The following SGCZ variants were observed in gnomAD, a reference collection of about 807,000 sequenced individuals.
SGCZ encodes the protein zeta-sarcoglycan.
Under a neutral mutation model 41.3 loss-of-function variants are expected in SGCZ, and 40 were observed. The observed-to-expected ratio is 0.97, with a 90% confidence interval of 0.75 to 1.26. SGCZ has a LOEUF of 1.26. Ranked by LOEUF, SGCZ falls within the 50% of genes most tolerant of loss-of-function variation. The pLI, the probability that SGCZ is intolerant of heterozygous loss-of-function variation, is 0.00. For synonymous variants in SGCZ, 206 were observed against 137.5 expected (o/e 1.50, Z -3.49); for missense variants, 552 against 369.8 (o/e 1.49, Z -4.04).
At chr8:14,991,436 G>A (rs542387063) in intron 1 of SGCZ, among the ~76,000 whole-genome samples, 2 of 152,218 alleles carry the variant, frequency 1.3e-5, no homozygotes, top group South Asian at 2.1e-4. Flanking sequence ...AGTTTGAGAT[G>A]CCCAGGATAA....
intron 1 of SGCZ, among the ~76,000 whole-genome samples, chr8:15,210,673 C>A (rs1801207288): frequency 6.6e-6 from 1 of 152,094 alleles, no homozygotes; most frequent in East Asian, 1.9e-4. Flanking sequence ...TCCAATACTC[C>A]CTCATGATCT....
intron 5 of SGCZ, among the ~76,000 whole-genome samples, chr8:14,157,505 T>C (rs965720535): frequency 4.6e-5 from 7 of 151,076 alleles, no homozygotes; most frequent in Non-Finnish European, 8.8e-5. Flanking sequence ...TGTTTGGTAT[T>C]TGATAATACT....
chr8:14,503,944 A>T (rs1802230389), intron 2 of SGCZ, among the ~76,000 whole-genome samples: 1 of 152,186 alleles, frequency 6.6e-6, no homozygotes, highest in Admixed American at 6.5e-5. Flanking sequence ...ATGAAATGAA[A>T]ATGTAAGTTT....
rs374118075 is a variant in SGCZ at position 14,126,173 on chromosome 8, C to A, written c.548-17938G>T. ...GAGCTTCTGCACAGCCAAAAGAAACCATCATCAGAGTGAACAGGCAACCTA... is the reference window on the plus strand; with the variant it reads ...GAGCTTCTGCACAGCCAAAAGAAACAATCATCAGAGTGAACAGGCAACCTA... On this transcript the variant is annotated intron_variant, in intron 5 of 7. Coordinates refer to ENST00000382080, the MANE Select transcript of SGCZ (RefSeq NM_139167.4). Among the ~76,000 whole-genome samples, 10 of 152,138 alleles carry A rather than the reference C, an allele frequency of 6.6e-5. No homozygotes were observed. The East Asian group carries it at 1.9e-3, about 29-fold the overall frequency.
chr8:15,211,748 C>A (rs193175356), intron 1 of SGCZ, among the ~76,000 whole-genome samples: 2 of 152,270 alleles, frequency 1.3e-5, no homozygotes, highest in Admixed American at 1.3e-4. Flanking sequence ...TTCAACCTCT[C>A]CCCTTCTAAT....
chr8:14,567,806 C>T (rs575739605), intron 1 of SGCZ, among the ~76,000 whole-genome samples: 2 of 152,028 alleles, frequency 1.3e-5, no homozygotes, highest in South Asian at 2.1e-4. Context: ...CACCTCCAGA[C>T]GCACCACCTT....
intron 5 of SGCZ, among the ~76,000 whole-genome samples, chr8:14,122,697 G>C (rs1042691655): frequency 2.0e-5 from 3 of 152,106 alleles, no homozygotes; most frequent in Non-Finnish European, 2.9e-5. Flanking sequence ...GCTAATTCCA[G>C]TTAGCAGCCA....
chr8:14,125,548 C>T (rs1239162174), intron 5 of SGCZ, among the ~76,000 whole-genome samples: 1 of 150,926 alleles, frequency 6.6e-6, no homozygotes, highest in African/African-American at 2.4e-5. Flanking sequence ...AAAATGGCCA[C>T]ACTGCCCAAA....
intron 1 of SGCZ, among the ~76,000 whole-genome samples, chr8:14,583,367 G>A (rs1804956899): frequency 6.6e-6 from 1 of 152,080 alleles, no homozygotes; most frequent in Non-Finnish European, 1.5e-5. Context: ...TATTTTTCTT[G>A]TAAATTTGTT....
chr8:14,615,337 T>C (rs1806065094), intron 1 of SGCZ, among the ~76,000 whole-genome samples: 1 of 152,206 alleles, frequency 6.6e-6, no homozygotes, highest in Non-Finnish European at 1.5e-5. Flanking sequence ...ATAAGGGAGA[T>C]GCCCAGCTGT....
chr8:14,470,179 T>G (rs1801174603), intron 2 of SGCZ, among the ~76,000 whole-genome samples: 1 of 152,110 alleles, frequency 6.6e-6, no homozygotes, highest in Admixed American at 6.6e-5. Flanking sequence ...ACTTTATATG[T>G]GGGAAAAACT....
chr8:14,196,108 C>T (rs1805258985), intron 4 of SGCZ, among the ~76,000 whole-genome samples: 1 of 151,976 alleles, frequency 6.6e-6, no homozygotes, highest in Admixed American at 6.6e-5. Context: ...AATGGATGTA[C>T]ACCAGTCTAG....
intron 3 of SGCZ, among the ~76,000 whole-genome samples, chr8:14,298,724 T>C (rs563680352): frequency 6.6e-6 from 1 of 152,144 alleles, no homozygotes; most frequent in Non-Finnish European, 1.5e-5. Context: ...TGTCAATGTA[T>C]TGGATGACAA....
At chr8:14,313,658 G>A (rs1801617753) in intron 3 of SGCZ, among the ~76,000 whole-genome samples, 1 of 152,078 alleles carries the variant, frequency 6.6e-6, no homozygotes, top group Admixed American at 6.6e-5. Context: ...CTTAACACTG[G>A]ATGACACTGT....
chr8:14,627,883 G>A (rs985861080), intron 1 of SGCZ, among the ~76,000 whole-genome samples: 1 of 151,944 alleles, frequency 6.6e-6, no homozygotes, highest in African/African-American at 2.4e-5. Flanking sequence ...ATGTTTAAAT[G>A]GAAAAGCCAA....
intron 1 of SGCZ, among the ~76,000 whole-genome samples, chr8:15,081,242 C>T (rs761150366): frequency 2.0e-5 from 3 of 152,044 alleles, no homozygotes; most frequent in Non-Finnish European, 4.4e-5. Context: ...AAGCTTTTGT[C>T]CAATTTTTGT....
At chr8:14,187,031 A>C (rs572964220) in intron 4 of SGCZ, among the ~76,000 whole-genome samples, 1 of 152,334 alleles carries the variant, frequency 6.6e-6, no homozygotes, top group Non-Finnish European at 1.5e-5. Context: ...GCTGATTATC[A>C]GCTGGGTCTG....
chr8:15,167,153 A>G (rs188204766), intron 1 of SGCZ, among the ~76,000 whole-genome samples: 52 of 152,342 alleles, frequency 3.4e-4, no homozygotes, highest in African/African-American at 1.2e-3. Flanking sequence ...TTTGGAAACT[A>G]TCTGTGAGTA....
At chr8:15,060,849 T>G (rs987144228) in intron 1 of SGCZ, among the ~76,000 whole-genome samples, 2 of 152,102 alleles carry the variant, frequency 1.3e-5, no homozygotes, top group Non-Finnish European at 2.9e-5. Flanking sequence ...GAAAAATCTG[T>G]CTCCTGGGCA....
Sources: allele counts gnomAD v4.1 joint callset (sites outside exome capture counted in the v4.1 genomes callset), GRCh38; gene constraint gnomAD v4.1.1; transcripts MANE v1.5; gene names NCBI Gene and HGNC (gene_info 2026-07-23, HGNC 2026-07-21).